SLC26A5: variants seen among roughly 807,000 people sequenced by gnomAD.
SLC26A5 encodes the protein prestin.
SLC26A5 carries 51 observed loss-of-function variants against 81.0 expected under a neutral mutation model. That is an observed-to-expected ratio of 0.63 (90% CI 0.50 to 0.80). The LOEUF (loss-of-function observed/expected upper bound fraction) is 0.80, where lower values mean the gene tolerates loss of function less well. Ranked by LOEUF, SLC26A5 falls within the 30% of genes least tolerant of loss-of-function variation. The pLI is 0.00. For synonymous variants in SLC26A5, 325 were observed against 332.8 expected (o/e 0.98, Z 0.25); for missense variants, 771 against 905.8 (o/e 0.85, Z 1.91).
chr7:103,414,181 T>C (rs1824722612), intron 4 of SLC26A5, among the ~76,000 whole-genome samples: 1 of 136,722 alleles, frequency 7.3e-6, no homozygotes, highest in South Asian at 2.5e-4. Context: ...TTTGAAGTTT[T>C]GCCCCCCCCT....
chr7:103,369,758 T>C (rs1297980960), downstream of SLC26A5, among the ~76,000 whole-genome samples: 1 of 152,228 alleles, frequency 6.6e-6, no homozygotes, highest in African/African-American at 2.4e-5. Context: ...AGGGTGCTGA[T>C]AAGTTAGAAT....
chr7:103,425,817 T>C (rs1052620139), intron 2 of SLC26A5, among the ~76,000 whole-genome samples: 1 of 152,212 alleles, frequency 6.6e-6, no homozygotes, highest in Non-Finnish European at 1.5e-5. Context: ...TGGAGTCACC[T>C]GGGCAGCTTT....
At chr7:103,391,517 A>G (rs1208150044) in intron 11 of SLC26A5, 105 bp downstream of exon 11, 14 of 883,450 alleles carry the variant, frequency 1.6e-5, no homozygotes, top group Non-Finnish European at 2.6e-5. Context: ...TGGAGCATGG[A>G]TCTGCAGGCC....
chr7:103,389,008 C>T lies in SLC26A5; in HGVS notation c.1514G>A (p.Ser505Asn). ...CACCCATTCCAATCTGGGCACTCACCTCTGTGTTCTGTAAATCACAGTCAG... is the reference window on the plus strand; with the variant it reads ...CACCCATTCCAATCTGGGCACTCACTTCTGTGTTCTGTAAATCACAGTCAG... ...ALLTVIYRTQ[S>N]PSYKVLGKLP... Residue 505 changes from serine to asparagine, a missense_variant and splice_region_variant, in exon 14 of 20, where the codon AGT becomes AAT. Transcript: ENST00000306312. 1 of 1,607,002 alleles carries T rather than the reference C, an allele frequency of 6.2e-7. No individual in the cohort carries two copies. The highest frequency in any genetic ancestry group is 1.7e-4 in the Middle Eastern group (1 of 6,040).
chr7:103,438,364 A>G (rs538950485), intron 2 of SLC26A5, among the ~76,000 whole-genome samples: 1 of 151,524 alleles, frequency 6.6e-6, no homozygotes, highest in African/African-American at 2.4e-5. Flanking sequence ...TTTTAAAAAA[A>G]TTTCTTTATA....
chr7:103,403,067 G>T (rs1353893976), intron 8 of SLC26A5, among the ~76,000 whole-genome samples: 1 of 152,096 alleles, frequency 6.6e-6, no homozygotes, highest in Non-Finnish European at 1.5e-5. Flanking sequence ...GATTCTGGTC[G>T]TTGTGTCTTT....
At chr7:103,373,050 T>C (rs2116314462), downstream of SLC26A5, among the ~76,000 whole-genome samples, 1 of 152,250 alleles carries the variant, frequency 6.6e-6, no homozygotes, top group South Asian at 2.1e-4. Flanking sequence ...TCACATAGAA[T>C]AACCAACTAA....
chr7:103,414,129 C>G (rs1562787187), intron 4 of SLC26A5, among the ~76,000 whole-genome samples: 1 of 150,076 alleles, frequency 6.7e-6, no homozygotes, highest in Non-Finnish European at 1.5e-5. Flanking sequence ...ATTCATACTT[C>G]CCTCCCCCCA....
In SLC26A5 at chr7:103,392,771, G is replaced by A; in HGVS notation, c.1119+148C>T. 3 of 952,702 alleles carry A rather than the reference G, an allele frequency of 3.1e-6. No homozygotes were observed. The South Asian group carries it at 4.5e-5, about 14-fold the overall frequency. The allele number at this position is 952,702 out of a possible 1,614,324, so 59.0% of individuals were successfully genotyped here. A position where few individuals can be genotyped will look rare whatever the true frequency, so the allele number is the denominator to read the frequency against. On this transcript the variant is annotated intron_variant, in intron 10 of 19. Transcript: ENST00000306312. ...TTTTTGTATTTTCAGTAGAGATGGGGTTTCACCATGTTAGCCAGGATGGTC... is the reference window on the plus strand; with the variant it reads ...TTTTTGTATTTTCAGTAGAGATGGGATTTCACCATGTTAGCCAGGATGGTC...
chr7:103,444,607 G>C (rs1201916059), intron 1 of SLC26A5, among the ~76,000 whole-genome samples: 2 of 152,232 alleles, frequency 1.3e-5, no homozygotes, highest in Non-Finnish European at 2.9e-5. Flanking sequence ...TTGTTGGATT[G>C]AGTCAATTCT....
intron 19 of SLC26A5, chr7:103,362,365 G>T: frequency 7.4e-7 from 1 of 1,346,810 alleles, no homozygotes; most frequent in Non-Finnish European, 9.5e-7. Context: ...GGTATAGGTT[G>T]GGGGAGTACT....
At chr7:103,433,502 A>G in intron 2 of SLC26A5, 1 of 152,184 alleles carries the variant, frequency 6.6e-6, no homozygotes, top group East Asian at 1.9e-4. Flanking sequence ...TAGAAGGAAC[A>G]AAGAAATCAG....
chr7:103,417,332 T>C (rs1305550764), intron 4 of SLC26A5, among the ~76,000 whole-genome samples: 1 of 142,072 alleles, frequency 7.0e-6, no homozygotes, highest in Non-Finnish European at 1.5e-5. Context: ...ATCACGCCAC[T>C]GCACTCCAGC....
intron 19 of SLC26A5, chr7:103,366,109 G>T (rs1424301674): frequency 6.2e-7 from 1 of 1,613,704 alleles, no homozygotes; most frequent in Non-Finnish European, 8.5e-7. Context: ...CTTTGAAATG[G>T]CCAGAACAAA....
chr7:103,401,960 G>A (rs143199115), intron 8 of SLC26A5, among the ~76,000 whole-genome samples: 53 of 152,312 alleles, frequency 3.5e-4, no homozygotes, highest in African/African-American at 1.3e-3. Context: ...CAGTTTGCCA[G>A]TATTTTATTG....
chr7:103,364,803 C>T (rs535604713), intron 19 of SLC26A5, among the ~76,000 whole-genome samples: 1 of 151,970 alleles, frequency 6.6e-6, no homozygotes, highest in South Asian at 2.1e-4. Flanking sequence ...AACCAGTATG[C>T]CCCCTCCTCA....
In SLC26A5 at chr7:103,360,980, G is replaced by A. The variant is rs141581924; in HGVS notation, c.2042-8054C>T. ...TACAAAACAATTAGCCGGGCGTGCT[G>A]GCGCATTCCTGTAATGCCAGCTACT... On this transcript the variant is annotated intron_variant, in intron 19 of 19. Coordinates refer to the SLC26A5 transcript ENST00000339444. Among the ~76,000 whole-genome samples the A allele has an allele frequency of 1.3e-3, 197 of 152,146 alleles. No individual in the cohort carries two copies. In the Middle Eastern group the frequency reaches 0.014, roughly 11 times the overall value.
intron 4 of SLC26A5, among the ~76,000 whole-genome samples, chr7:103,416,378 G>GT (rs34556236): frequency 1.7e-4 from 26 of 152,350 alleles, no homozygotes; most frequent in African/African-American, 4.8e-4. Flanking sequence ...TGGGCTATAA[G>GT]TTTTTTTGCA....
At chr7:103,362,789 T>C in intron 19 of SLC26A5, 2 of 1,274,890 alleles carry the variant, frequency 1.6e-6, no homozygotes, top group Non-Finnish European at 1.1e-6. Context: ...AAAGGAAGGC[T>C]ATGTCTTTTT....
Sources: gnomAD v4.1 joint callset for allele counts (sites outside exome capture counted in the v4.1 genomes callset) on GRCh38, gnomAD v4.1.1 for gene constraint, MANE v1.5 for transcripts, NCBI Gene and HGNC (gene_info 2026-07-23, HGNC 2026-07-21) for gene names.